The following DLGAP2 variants were observed in gnomAD, a reference collection of about 807,000 sequenced individuals.
The protein encoded by DLGAP2 is disks large-associated protein 2.
Under a neutral mutation model 100.3 loss-of-function variants are expected in DLGAP2, and 26 were observed. The ratio of observed to expected loss-of-function variants is 0.26; its 90% CI spans 0.19 to 0.36. The LOEUF (loss-of-function observed/expected upper bound fraction) is 0.36. Among genes scored for constraint, DLGAP2 ranks in the 10% least tolerant of loss-of-function variants. The pLI, the probability that DLGAP2 is intolerant of heterozygous loss-of-function variation, is 1.00. For missense variants in DLGAP2, 1,858 were observed against 1,453.2 expected (o/e 1.28, Z -4.53); for synonymous variants, 886 against 630.1 (o/e 1.41, Z -6.08).
chr8:1,327,388 G>A (rs1336709962), intron 3 of DLGAP2, among the ~76,000 whole-genome samples: 1 of 152,204 alleles, frequency 6.6e-6, no homozygotes, highest in Non-Finnish European at 1.5e-5. Flanking sequence ...TTGGGCTCAT[G>A]AGAATGATGT....
chr8:1,001,301 T>G (rs754411613), intron 2 of DLGAP2, among the ~76,000 whole-genome samples: 1 of 152,210 alleles, frequency 6.6e-6, no homozygotes, highest in Non-Finnish European at 1.5e-5. Flanking sequence ...TTGACATCAT[T>G]TTATCGAGAA....
At chr8:760,345 C>T (rs1269995582) in intron 1 of DLGAP2, among the ~76,000 whole-genome samples, 1 of 152,178 alleles carries the variant, frequency 6.6e-6, no homozygotes, top group South Asian at 2.1e-4. Flanking sequence ...CCTGTCCTTT[C>T]TAACCCTTTC....
At chr8:1,497,154 C>T (rs897617795) in intron 3 of DLGAP2, among the ~76,000 whole-genome samples, 4 of 152,160 alleles carry the variant, frequency 2.6e-5, no homozygotes, top group Non-Finnish European at 5.9e-5. Flanking sequence ...AAGACTGTTT[C>T]TCCAGTGAAG....
At chr8:860,447 C>T (rs1439631810) in intron 1 of DLGAP2, among the ~76,000 whole-genome samples, 5 of 152,194 alleles carry the variant, frequency 3.3e-5, no homozygotes, top group Non-Finnish European at 7.3e-5. Flanking sequence ...CTTGGCTTTT[C>T]TGTCCCAATG....
chr8:1,063,653 T>C (rs1357159914), intron 2 of DLGAP2, among the ~76,000 whole-genome samples: 1 of 152,068 alleles, frequency 6.6e-6, no homozygotes, highest in African/African-American at 2.4e-5. Flanking sequence ...ATCTAGGTAA[T>C]TGCTAGCTTT....
chr8:938,096 T>C (rs1386700791), intron 2 of DLGAP2, among the ~76,000 whole-genome samples: 1 of 152,192 alleles, frequency 6.6e-6, no homozygotes, highest in Admixed American at 6.5e-5. Context: ...CTGCGCTTCC[T>C]GACTTAGGAC....
intron 6 of DLGAP2, among the ~76,000 whole-genome samples, chr8:1,610,725 G>A: frequency 6.9e-6 from 1 of 144,480 alleles, no homozygotes; most frequent in African/African-American, 2.8e-5. Flanking sequence ...CGATCCCACA[G>A]AAATACAAAC....
chr8:962,746 C>T (rs1334016827), intron 2 of DLGAP2, among the ~76,000 whole-genome samples: 3 of 152,186 alleles, frequency 2.0e-5, no homozygotes, highest in Admixed American at 6.5e-5. Context: ...CAGGGGTGGC[C>T]GTAGCGGCAG....
In DLGAP2 at chr8:1,426,253, C is replaced by T. The variant is rs193035826; in HGVS notation, c.107-75113C>T. On this transcript the variant is annotated intron_variant, in intron 3 of 14. Transcript: ENST00000637795. ...AACAGAGGCAGATGTAAGTTAAGAACAGATGTCTATGAAAAACGAGGAGAC... is the reference window on the plus strand; with the variant it reads ...AACAGAGGCAGATGTAAGTTAAGAATAGATGTCTATGAAAAACGAGGAGAC... 3.9e-4 allele frequency among the ~76,000 whole-genome samples: 60 copies of T among 152,250 alleles called. 1 individual carries two copies. In the East Asian group the frequency reaches 9.8e-3, roughly 25 times the overall value.
chr8:1,232,578 C>T (rs1427943639), intron 2 of DLGAP2, among the ~76,000 whole-genome samples: 1 of 152,230 alleles, frequency 6.6e-6, no homozygotes, highest in South Asian at 2.1e-4. Context: ...TTGGGAACGA[C>T]TTATCCTTTA....
intron 2 of DLGAP2, among the ~76,000 whole-genome samples, chr8:960,235 A>ATATTTTTTTTTTTTTTTTTTTTT (rs1209692955): frequency 1.2e-4 from 1 of 8,352 alleles, no homozygotes; most frequent in Non-Finnish European, 2.3e-4. Context: ...CCTGAAGTAT[A>ATATTTTTTTTTTTTTTTTTTTTT]TCTTTTTTTT....
chr8:1,262,637 A>G (rs570529531), intron 3 of DLGAP2: 2 of 152,220 alleles, frequency 1.3e-5, no homozygotes, highest in African/African-American at 2.4e-5. Context: ...AATTTATATC[A>G]TTTTCTTAGT....
At chr8:882,516 C>T (rs1183564270) in intron 1 of DLGAP2, among the ~76,000 whole-genome samples, 1 of 102,876 alleles carries the variant, frequency 9.7e-6, no homozygotes, top group Non-Finnish European at 1.9e-5. Flanking sequence ...GGAGGCCTCC[C>T]CTGCGCGCAC....
At chr8:1,173,367 T>C (rs1209704781) in intron 2 of DLGAP2, among the ~76,000 whole-genome samples, 2 of 152,212 alleles carry the variant, frequency 1.3e-5, no homozygotes, top group African/African-American at 2.4e-5. Context: ...CTGCCCGTTC[T>C]CAGATCTCCA....
In DLGAP2 at chr8:1,506,406, C is replaced by T. The variant is rs139078267; in HGVS notation, c.172+4975C>T. 1.7e-3 allele frequency among the ~76,000 whole-genome samples: 253 copies of T among 152,226 alleles called. 4 individuals are homozygous for T. The East Asian group carries it at 0.036, about 21-fold the overall frequency. Reference sequence around the variant, plus strand: ...TTTGGGTGAGTGTCCGGAGTTTGTTCCTTTTAATGTTCAGACGTTTTTGGA... The same window carrying T: ...TTTGGGTGAGTGTCCGGAGTTTGTTTCTTTTAATGTTCAGACGTTTTTGGA... On this transcript the variant is annotated intron_variant, in intron 4 of 14. Transcript: ENST00000637795.
chr8:1,447,824 T>C (rs1798023709), intron 3 of DLGAP2, among the ~76,000 whole-genome samples: 1 of 152,244 alleles, frequency 6.6e-6, no homozygotes, highest in African/African-American at 2.4e-5. Context: ...GGACAGTGTA[T>C]GTGTTGAGGA....
intron 2 of DLGAP2, among the ~76,000 whole-genome samples, chr8:1,068,863 A>T (rs996403490): frequency 2.0e-5 from 3 of 152,054 alleles, no homozygotes; most frequent in African/African-American, 4.8e-5. Flanking sequence ...TATCAAGAAG[A>T]TGCTTCTAGA....
At chr8:1,242,314 C>T (rs989213142) in intron 2 of DLGAP2, among the ~76,000 whole-genome samples, 21 of 152,048 alleles carry the variant, frequency 1.4e-4, no homozygotes, top group Admixed American at 5.2e-4. Flanking sequence ...CGGGGCAGGG[C>T]GGGGTTCTGG....
At chr8:1,283,825 C>T (rs1432850826) in intron 3 of DLGAP2, among the ~76,000 whole-genome samples, 5 of 152,176 alleles carry the variant, frequency 3.3e-5, no homozygotes, top group Admixed American at 6.5e-5. Flanking sequence ...TTAAGCACTA[C>T]CACACTTAAA....
Sources: allele counts gnomAD v4.1 joint callset (sites outside exome capture counted in the v4.1 genomes callset), GRCh38; gene constraint gnomAD v4.1.1; transcripts MANE v1.5; gene names NCBI Gene and HGNC (gene_info 2026-07-23, HGNC 2026-07-21).